Variants in AK5 observed in about 807,000 individuals in gnomAD.
The protein encoded by AK5 is adenylate kinase isoenzyme 5.
In AK5, 27 loss-of-function variants were observed where a neutral mutation model predicts 69.5. That is an observed-to-expected ratio of 0.39 (90% CI 0.29 to 0.54). AK5 has a LOEUF of 0.54. Ranked by LOEUF, AK5 falls within the 20% of genes least tolerant of loss-of-function variation. The probability of loss-of-function intolerance (pLI) is 0.71; values close to 1 mark genes in which losing one functional copy is unlikely to be tolerated. For missense variants in AK5, 531 were observed against 700.4 expected, an observed-to-expected ratio of 0.76 and a Z score of 2.73; for synonymous variants, 260 against 244.4, an observed-to-expected ratio of 1.06 and a Z score of -0.60.
intron 8 of AK5, among the ~76,000 whole-genome samples, chr1:77,446,111 G>T (rs1321371133): frequency 6.6e-6 from 1 of 152,090 alleles, no homozygotes; most frequent in Non-Finnish European, 1.5e-5. Context: ...TTTGTATCTG[G>T]TATAAAATAA....
At chr1:77,550,188 C>G (rs1487647628) in intron 13 of AK5, among the ~76,000 whole-genome samples, 1 of 152,196 alleles carries the variant, frequency 6.6e-6, no homozygotes, top group African/African-American at 2.4e-5. Flanking sequence ...AGCAATCCTC[C>G]TACCTCAGCC....
chr1:77,443,559 A>C (rs958573648), intron 8 of AK5, among the ~76,000 whole-genome samples: 5 of 152,120 alleles, frequency 3.3e-5, no homozygotes, highest in Non-Finnish European at 7.4e-5. Flanking sequence ...AGGGCCTATC[A>C]GTACTTCTTT....
At chr1:77,516,716 A>G (rs1474468426) in intron 10 of AK5, among the ~76,000 whole-genome samples, 4 of 150,774 alleles carry the variant, frequency 2.7e-5, no homozygotes, top group Non-Finnish European at 4.4e-5. Flanking sequence ...GGCACATGGA[A>G]AGCATTGAAA....
chr1:77,334,690 T>C (rs1301205309), intron 5 of AK5, among the ~76,000 whole-genome samples: 1 of 152,182 alleles, frequency 6.6e-6, no homozygotes, highest in Admixed American at 6.6e-5. Flanking sequence ...TTGTCTCTGT[T>C]AAACACATTC....
intron 6 of AK5, chr1:77,340,896 C>G (rs1305588574): frequency 5.0e-6 from 1 of 200,722 alleles, no homozygotes; most frequent in African/African-American, 2.3e-5. Context: ...TCTCTCCACT[C>G]TTTTGTCTGT....
At chr1:77,371,468 G>GT (rs1449443995) in intron 6 of AK5, 1 of 152,228 alleles carries the variant, frequency 6.6e-6, no homozygotes. Context: ...AGTCCTGCTG[G>GT]TAAGTCCTTC....
intron 6 of AK5, among the ~76,000 whole-genome samples, chr1:77,369,480 G>A (rs531547491): frequency 6.6e-6 from 1 of 152,084 alleles, no homozygotes; most frequent in Non-Finnish European, 1.5e-5. Context: ...CTTCTCTCTT[G>A]GAATGTTGTA....
At chr1:77,326,915 T>C (rs1459707716) in intron 5 of AK5, among the ~76,000 whole-genome samples, 2 of 152,210 alleles carry the variant, frequency 1.3e-5, no homozygotes, top group Non-Finnish European at 2.9e-5. Context: ...ACATGATCTT[T>C]AAGGATTCTT....
At chr1:77,309,281 G>A in intron 5 of AK5, among the ~76,000 whole-genome samples, 1 of 149,798 alleles carries the variant, frequency 6.7e-6, no homozygotes, top group African/African-American at 2.5e-5. Flanking sequence ...AATGAAGGAG[G>A]GAAGTCTATA....
At chr1:77,525,660 C>A (rs1043228662) in intron 12 of AK5, among the ~76,000 whole-genome samples, 2 of 152,232 alleles carry the variant, frequency 1.3e-5, no homozygotes, top group African/African-American at 2.4e-5. Flanking sequence ...ACACCTCCAA[C>A]TGGCCCCACT....
At chr1:77,543,723 G>C (rs2100378692) in intron 13 of AK5, among the ~76,000 whole-genome samples, 1 of 152,210 alleles carries the variant, frequency 6.6e-6, no homozygotes, top group Non-Finnish European at 1.5e-5. Context: ...CAGAATTCTT[G>C]TGACTATTCT....
At chr1:77,360,234 A>C (rs1224422628) in intron 6 of AK5, among the ~76,000 whole-genome samples, 3 of 152,220 alleles carry the variant, frequency 2.0e-5, no homozygotes, top group Non-Finnish European at 4.4e-5. Flanking sequence ...TAGAGGAAGA[A>C]GAGTCGGGGA....
At chr1:77,391,975 G>A (rs752410313) in intron 6 of AK5, among the ~76,000 whole-genome samples, 12 of 152,050 alleles carry the variant, frequency 7.9e-5, no homozygotes, top group Non-Finnish European at 1.6e-4. Context: ...CATTTTCCTC[G>A]TTCTACAACA....
chr1:77,551,483 G>C (rs192812758), intron 13 of AK5, among the ~76,000 whole-genome samples: 1 of 152,266 alleles, frequency 6.6e-6, no homozygotes, highest in Admixed American at 6.5e-5. Context: ...CAATAAGCAG[G>C]TTTTTAATTT....
intron 12 of AK5, among the ~76,000 whole-genome samples, chr1:77,535,414 G>A (rs1658902306): frequency 6.6e-6 from 1 of 152,156 alleles, no homozygotes; most frequent in Non-Finnish European, 1.5e-5. Context: ...ACCTGACACA[G>A]TACAGGCACA....
At chr1:77,377,720 A>G (rs1005201852) in intron 6 of AK5, among the ~76,000 whole-genome samples, 1 of 152,220 alleles carries the variant, frequency 6.6e-6, no homozygotes, top group Non-Finnish European at 1.5e-5. Context: ...TTCTGACTGT[A>G]TAGAAATACT....
At chr1:77,311,678 C>T (rs1455931495) in intron 5 of AK5, among the ~76,000 whole-genome samples, 1 of 140,342 alleles carries the variant, frequency 7.1e-6, no homozygotes, top group African/African-American at 2.6e-5. Flanking sequence ...GAGCTTTTTC[C>T]CCCTGATACT....
intron 8 of AK5, among the ~76,000 whole-genome samples, chr1:77,446,559 G>A (rs553919009): frequency 6.6e-6 from 1 of 152,196 alleles, no homozygotes; most frequent in East Asian, 1.9e-4. Context: ...TGATCCATGA[G>A]CACTTATTTG....
At chr1:77,554,669 G>A (rs918362792) in intron 13 of AK5, among the ~76,000 whole-genome samples, 3 of 151,906 alleles carry the variant, frequency 2.0e-5, no homozygotes, top group Admixed American at 2.0e-4. Flanking sequence ...GCAGTGGCGC[G>A]ATCTCAGCTC....
Sources: allele counts gnomAD v4.1 joint callset (sites outside exome capture counted in the v4.1 genomes callset), GRCh38; gene constraint gnomAD v4.1.1; transcripts MANE v1.5; gene names NCBI Gene and HGNC (gene_info 2026-07-23, HGNC 2026-07-21).